Variants in ZNF521 observed in about 807,000 individuals in gnomAD.
The protein encoded by ZNF521 is LYST-interacting protein 3.
In ZNF521, 14 loss-of-function variants were observed where a neutral mutation model predicts 105.5. That is an observed-to-expected ratio of 0.13 (90% CI 0.09 to 0.21). The LOEUF is 0.21. Ranked by LOEUF, ZNF521 falls within the 10% of genes least tolerant of loss-of-function variation. The probability of loss-of-function intolerance (pLI) is 1.00; values close to 1 mark genes in which losing one functional copy is unlikely to be tolerated. For missense variants in ZNF521, 1,233 were observed against 1,629.7 expected, an observed-to-expected ratio of 0.76 and a Z score of 4.19; for synonymous variants, 635 against 606.0, an observed-to-expected ratio of 1.05 and a Z score of -0.70.
At chr18:25,256,415 T>C (rs1908509218) in intron 3 of ZNF521, among the ~76,000 whole-genome samples, 1 of 152,158 alleles carries the variant, frequency 6.6e-6, no homozygotes, top group South Asian at 2.1e-4. Flanking sequence ...TTACCACAAT[T>C]AATTTTTTTA....
At chr18:25,090,279 G>C (rs1371688101) in intron 6 of ZNF521, among the ~76,000 whole-genome samples, 2 of 152,144 alleles carry the variant, frequency 1.3e-5, no homozygotes, top group Non-Finnish European at 2.9e-5. Flanking sequence ...ATGGATGCCT[G>C]GTGCACTGTG....
intron 2 of ZNF521, among the ~76,000 whole-genome samples, chr18:25,326,480 C>T (rs991452392): frequency 2.6e-5 from 4 of 152,180 alleles, no homozygotes; most frequent in Non-Finnish European, 4.4e-5. Flanking sequence ...TAGTGTCCAT[C>T]GCAAAACAAC....
chr18:25,114,912 T>G (rs938253159), intron 5 of ZNF521, among the ~76,000 whole-genome samples: 1 of 152,254 alleles, frequency 6.6e-6, no homozygotes, highest in African/African-American at 2.4e-5. Flanking sequence ...AGAAAATGTA[T>G]GTGCAACGTA....
intron 2 of ZNF521, among the ~76,000 whole-genome samples, chr18:25,339,968 A>G (rs1914104580): frequency 6.6e-6 from 1 of 152,224 alleles, no homozygotes; most frequent in African/African-American, 2.4e-5. Flanking sequence ...GGTTTGGGAC[A>G]TGCTGCTGCA....
At chr18:25,072,993 C>T (rs1411812283) in intron 7 of ZNF521, among the ~76,000 whole-genome samples, 2 of 152,132 alleles carry the variant, frequency 1.3e-5, no homozygotes, top group Non-Finnish European at 2.9e-5. Flanking sequence ...CTTCTTCGTG[C>T]TCTAATTTTA....
At chr18:25,336,991 T>A (rs1303501221) in intron 2 of ZNF521, among the ~76,000 whole-genome samples, 1 of 152,216 alleles carries the variant, frequency 6.6e-6, no homozygotes, top group African/African-American at 2.4e-5. Context: ...ATGGAGAAAC[T>A]GTAGTACAAG....
At chr18:25,334,229 C>A (rs1913749484) in intron 2 of ZNF521, among the ~76,000 whole-genome samples, 1 of 152,082 alleles carries the variant, frequency 6.6e-6, no homozygotes, top group African/African-American at 2.4e-5. Context: ...AAGTAACTTT[C>A]TCTTAGAGGC....
intron 7 of ZNF521, among the ~76,000 whole-genome samples, chr18:25,082,452 A>G (rs77452877): frequency 0.016 from 2,394 of 152,250 alleles, 74 homozygotes; most frequent in African/African-American, 0.054. Flanking sequence ...ATGGGCAAAT[A>G]TTTCCAACCC....
chr18:25,081,525 CT>C (rs1462326575), intron 7 of ZNF521, among the ~76,000 whole-genome samples: 1 of 152,166 alleles, frequency 6.6e-6, no homozygotes, highest in Non-Finnish European at 1.5e-5. Flanking sequence ...GAAAATTTGA[CT>C]ACCAGGACAC....
intron 4 of ZNF521, among the ~76,000 whole-genome samples, chr18:25,218,202 TTG>T (rs2144708123): frequency 6.6e-6 from 1 of 152,068 alleles, no homozygotes; most frequent in South Asian, 2.1e-4. Flanking sequence ...CTAGACAGAT[TTG>T]TGTTTTAGAT....
intron 6 of ZNF521, among the ~76,000 whole-genome samples, chr18:25,089,849 A>G (rs2033706440): frequency 6.6e-6 from 1 of 152,156 alleles, no homozygotes; most frequent in Non-Finnish European, 1.5e-5. Context: ...TTTAAAAAAT[A>G]AAGCCGAAAA....
chr18:25,155,993 C>G (rs1412643417), intron 5 of ZNF521, among the ~76,000 whole-genome samples: 2 of 152,058 alleles, frequency 1.3e-5, no homozygotes, highest in African/African-American at 4.8e-5. Context: ...GGACATAAAG[C>G]AAATATGTAG....
intron 3 of ZNF521, among the ~76,000 whole-genome samples, chr18:25,299,272 G>T (rs933044847): frequency 6.6e-6 from 1 of 152,184 alleles, no homozygotes. Flanking sequence ...AAGCTAAACT[G>T]CTTCCAACAT....
At chr18:25,200,052 G>C (rs1184771407) in intron 4 of ZNF521, among the ~76,000 whole-genome samples, 3 of 152,074 alleles carry the variant, frequency 2.0e-5, no homozygotes, top group African/African-American at 2.4e-5. Context: ...TTAATTAAGT[G>C]ACTTGGCTAA....
intron 5 of ZNF521, among the ~76,000 whole-genome samples, chr18:25,097,282 A>G (rs1300229708): frequency 6.6e-6 from 1 of 152,148 alleles, no homozygotes; most frequent in Admixed American, 6.6e-5. Flanking sequence ...TATACAGCAC[A>G]TGTTTCATGA....
intron 5 of ZNF521, among the ~76,000 whole-genome samples, chr18:25,110,344 C>T (rs973440048): frequency 2.0e-5 from 3 of 152,126 alleles, no homozygotes; most frequent in Non-Finnish European, 2.9e-5. Context: ...GTCCTGCCTG[C>T]CCCCTTGCAT....
chr18:25,312,119 T>C (rs966623157), intron 3 of ZNF521, among the ~76,000 whole-genome samples: 21 of 152,180 alleles, frequency 1.4e-4, no homozygotes, highest in Non-Finnish European at 5.9e-5. Context: ...TAATAAAATA[T>C]GGACATCAAA....
intron 3 of ZNF521, among the ~76,000 whole-genome samples, chr18:25,251,948 A>G (rs888895045): frequency 4.6e-5 from 7 of 152,228 alleles, no homozygotes; most frequent in Non-Finnish European, 7.3e-5. Context: ...ATATTTAAAA[A>G]TTAAATTCTG....
chr18:25,124,587 A>ACTCTTACT lies in ZNF521; in HGVS notation c.3659-32514_3659-32507dup, dbSNP rs1416503010. ...ACATTTCCCCCTTTTCTTGTCCTTAACTCTTACTCAGATTTCCTTCTCCAT... is the reference window on the plus strand; with the variant it reads ...ACATTTCCCCCTTTTCTTGTCCTTAACTCTTACTCTCTTACTCAGATTTCCTTCTCCAT... On this transcript the variant is annotated intron_variant, in intron 5 of 7. Coordinates refer to ENST00000361524, the MANE Select transcript of ZNF521 (RefSeq NM_015461.3). Among the ~76,000 whole-genome samples, 3 of 151,476 alleles carry ACTCTTACT rather than the reference A, an allele frequency of 2.0e-5. No individual in the cohort carries two copies. The East Asian group carries it at 5.8e-4, about 29-fold the overall frequency.
Sources: gnomAD v4.1 joint callset for allele counts (sites outside exome capture counted in the v4.1 genomes callset) on GRCh38, gnomAD v4.1.1 for gene constraint, MANE v1.5 for transcripts, NCBI Gene and HGNC (gene_info 2026-07-23, HGNC 2026-07-21) for gene names.